The following BRWD1 variants were observed in gnomAD, a reference collection of about 807,000 sequenced individuals.
BRWD1 encodes bromodomain and WD repeat-containing protein 1.
A neutral mutation model predicts 251.2 loss-of-function variants in BRWD1; 82 were observed. That is an observed-to-expected ratio of 0.33 (90% CI 0.27 to 0.39). The LOEUF (loss-of-function observed/expected upper bound fraction) is 0.39, where lower values mean the gene tolerates loss of function less well. BRWD1 is among the 10% of genes least tolerant of loss of function. BRWD1 has a pLI of 1.00. For missense variants in BRWD1, 2,233 were observed against 2,711.6 expected (o/e 0.82, Z 3.92); for synonymous variants, 918 against 902.8 (o/e 1.02, Z -0.30).
chr21:39,271,696 C>CA (rs34900726), intron 13 of BRWD1, among the ~76,000 whole-genome samples: 41,424 of 59,878 alleles, frequency 0.69, 14,608 homozygotes, highest in Non-Finnish European at 0.71. Flanking sequence ...GACTCCGTCT[C>CA]AAAAAAAAAA....
chr21:39,285,333 G>C (rs573598406), intron 8 of BRWD1, among the ~76,000 whole-genome samples: 6 of 152,138 alleles, frequency 3.9e-5, no homozygotes, highest in East Asian at 1.9e-4. Flanking sequence ...TGGGGGAAGG[G>C]GGGGACCATG....
chr21:39,307,040 G>A (rs992656738), intron 4 of BRWD1, among the ~76,000 whole-genome samples: 3 of 152,142 alleles, frequency 2.0e-5, no homozygotes, highest in Non-Finnish European at 2.9e-5. Flanking sequence ...TTTTAGTAGA[G>A]ACGGGGTTTC....
intron 31 of BRWD1, chr21:39,217,081 ATAT>A (rs1568878201): frequency 8.7e-5 from 1 of 11,486 alleles, no homozygotes; most frequent in East Asian, 4.7e-3. Context: ...ATATATATAT[ATAT>A]TTTTTTTTTT....
chr21:39,266,075 T>A (rs2146657771), intron 15 of BRWD1, among the ~76,000 whole-genome samples: 1 of 152,290 alleles, frequency 6.6e-6, no homozygotes, highest in South Asian at 2.1e-4. Flanking sequence ...ACGCGTTCGG[T>A]GTTGGAGAAA....
intron 23 of BRWD1, 130 bp from the exon 24 acceptor site, chr21:39,232,628 T>C (rs1768874955): frequency 4.1e-6 from 4 of 980,912 alleles, no homozygotes; most frequent in Non-Finnish European, 4.5e-6. Flanking sequence ...TGATTAGTTT[T>C]CACACAGCAT....
chr21:39,276,729 TCA>T (rs921103235), intron 11 of BRWD1, among the ~76,000 whole-genome samples: 62 of 145,786 alleles, frequency 4.3e-4, no homozygotes, highest in Middle Eastern at 3.5e-3. Flanking sequence ...ATTATTAAAA[TCA>T]CATTCTTATT....
chr21:39,235,041 A>G (rs1163093326), intron 23 of BRWD1, among the ~76,000 whole-genome samples: 1 of 152,108 alleles, frequency 6.6e-6, no homozygotes, highest in Admixed American at 6.5e-5. Context: ...CTGAGGTCAG[A>G]AGTTCGAGAC....
Position 39,225,039 on chromosome 21 carries a change from C to T in BRWD1, c.3320+47G>A, listed in dbSNP as rs371914003. 1.2e-5 allele frequency: 15 copies of T among 1,298,008 alleles called. 1 individual carries two copies. The highest frequency in any genetic ancestry group is 1.6e-5 in the Non-Finnish European group (14 of 896,922). 80.4% of individuals were successfully genotyped at this position (1,298,008 alleles called of 1,614,324 possible). A position where few individuals can be genotyped will look rare whatever the true frequency, so the allele number is the denominator to read the frequency against. On this transcript the variant is annotated intron_variant, in intron 28 of 40. Coordinates refer to ENST00000342449, the MANE Select transcript of BRWD1 (RefSeq NM_033656.4). The stretch of plus-strand genomic sequence containing the variant: ...AATGTATTATTTATACAGCAACCTG[C>T]CACACTGAATTACTGGGAAATGATT...
At chr21:39,239,593 G>C (rs2033922418) in intron 21 of BRWD1, among the ~76,000 whole-genome samples, 1 of 152,296 alleles carries the variant, frequency 6.6e-6, no homozygotes, top group Non-Finnish European at 1.5e-5. Context: ...TTAATGCCAA[G>C]TAGAGTGTCA....
chr21:39,254,958 T>C (rs2034513357), intron 19 of BRWD1, among the ~76,000 whole-genome samples: 1 of 152,200 alleles, frequency 6.6e-6, no homozygotes, highest in African/African-American at 2.4e-5. Flanking sequence ...CAAGGTACGG[T>C]TTTTTTAAGG....
In BRWD1 at chr21:39,264,680, A is replaced by G; in HGVS notation, c.1665T>C (p.Pro555=). 1 of 1,597,522 alleles carries G rather than the reference A, an allele frequency of 6.3e-7. No homozygotes were observed. The highest frequency in any genetic ancestry group is 8.5e-7 in the Non-Finnish European group (1 of 1,170,350). Residue 555 remains proline (P), a synonymous_variant, in exon 17 of 41, where the codon CCT becomes CCC. Coordinates refer to ENST00000342449, the MANE Select transcript of BRWD1 (RefSeq NM_033656.4). ...FGCSKPYEKI[P]DQMFFHTDYR... ...AGTCAGTATGGAAGAACATCTGATCAGGAATCTAGAAAAATGAAGTTCACA... is the reference window on the plus strand; with the variant it reads ...AGTCAGTATGGAAGAACATCTGATCGGGAATCTAGAAAAATGAAGTTCACA...
At chr21:39,208,505 ATGT>A (rs1301029061) in intron 36 of BRWD1, among the ~76,000 whole-genome samples, 2 of 152,214 alleles carry the variant, frequency 1.3e-5, no homozygotes, top group Admixed American at 6.5e-5. Flanking sequence ...ACACCAAAAA[ATGT>A]TGTAAGATCA....
rs777640105 is a variant in BRWD1 at position 39,197,227 on chromosome 21, C to G, written c.5842G>C (p.Val1948Leu). The G allele has an allele frequency of 6.2e-7, 1 of 1,613,940 alleles. No individual in the cohort carries two copies. Among genetic ancestry groups the G allele is most frequent in the Non-Finnish European group, 8.5e-7 (1 of 1,179,898 alleles). Residue 1948 changes from valine (V) to leucine (L), a missense_variant, in exon 41 of 41, where the codon GTC (valine) becomes CTC (leucine). This residue lies in a region of BRWD1 where 928 missense variants were observed against 970.0 expected (regional missense o/e 0.96). Transcript: ENST00000342449. Reference protein sequence around the residue: ...KIKLMSDVEDVSLENVHTRSK... With the variant: ...KIKLMSDVEDLSLENVHTRSK... ...CTAGTGTGCACATTTTCTAAACTGA[C>G]ATCTTCTACATCACTCATGAGCTTG... is the stretch of plus-strand genomic sequence containing the variant.
intron 8 of BRWD1, among the ~76,000 whole-genome samples, chr21:39,288,808 T>C (rs913478699): frequency 6.6e-6 from 1 of 152,200 alleles, no homozygotes; most frequent in Non-Finnish European, 1.5e-5. Context: ...TTCATCCTCA[T>C]TGTCTTCATG....
At chr21:39,184,584 C>G (rs936875296), downstream of BRWD1, 1 of 152,058 alleles carries the variant, frequency 6.6e-6, no homozygotes, top group Non-Finnish European at 1.5e-5. Context: ...TCAGAGAGAG[C>G]CTGTTGAGAT....
chr21:39,268,214 T>C (rs1465375435), intron 15 of BRWD1, among the ~76,000 whole-genome samples: 1 of 151,882 alleles, frequency 6.6e-6, no homozygotes, highest in African/African-American at 2.4e-5. Context: ...CCGAGGCGGG[T>C]GATCACTTGA....
chr21:39,274,464 C>T lies in BRWD1; in HGVS notation c.1154G>A (p.Ser385Asn). Residue 385 changes from serine (S) to asparagine (N), a missense_variant, in exon 13 of 41, where the codon AGT becomes AAT. Coordinates refer to ENST00000342449, the MANE Select transcript of BRWD1 (RefSeq NM_033656.4). ...QFCNNGDRFL[S>N]GSRDGTARIW... ...CCGTGCTGTTCCATCTCTGCTACCA[C>T]TTAGGAACCTTAAAACATTCAGAAC... 6.2e-7 allele frequency: 1 copy of T among 1,613,130 alleles called. No homozygotes were observed. Among genetic ancestry groups the T allele is most frequent in the South Asian group, 1.1e-5 (1 of 91,066 alleles).
intron 36 of BRWD1, among the ~76,000 whole-genome samples, chr21:39,207,497 AAAAC>A (rs1053728850): frequency 8.7e-6 from 1 of 114,912 alleles, no homozygotes; most frequent in Non-Finnish European, 1.9e-5. Context: ...CAAAACTCCA[AAAAC>A]AACAAGTGTT....
chr21:39,254,639 T>C (rs1186875315), intron 19 of BRWD1, among the ~76,000 whole-genome samples: 2 of 152,272 alleles, frequency 1.3e-5, no homozygotes, highest in South Asian at 2.1e-4. Flanking sequence ...ACACAAACTT[T>C]GCTACTTGAA....
Sources: allele counts gnomAD v4.1 joint callset (sites outside exome capture counted in the v4.1 genomes callset), GRCh38; gene constraint gnomAD v4.1.1; regional missense constraint gnomAD v4.1.1; transcripts MANE v1.5; gene names NCBI Gene and HGNC (gene_info 2026-07-23, HGNC 2026-07-21).